Variants in CFAP58 observed in about 807,000 individuals in gnomAD.
CFAP58 encodes the protein cilia and flagella associated protein 58, also known as cilia- and flagella-associated protein 58.
Under a neutral mutation model 119.5 loss-of-function variants are expected in CFAP58, and 88 were observed. The ratio of observed to expected loss-of-function variants is 0.74; its 90% CI spans 0.62 to 0.88. The LOEUF is 0.88. Among genes scored for constraint, CFAP58 ranks in the 40% least tolerant of loss-of-function variants. CFAP58 has a pLI of 0.00. For missense variants in CFAP58, 990 were observed against 1,021.2 expected, an observed-to-expected ratio of 0.97 and a Z score of 0.42; for synonymous variants, 365 against 366.3, an observed-to-expected ratio of 1.00 and a Z score of 0.04.
chr10:104,444,365 G>T (rs2013081945), intron 15 of CFAP58, among the ~76,000 whole-genome samples: 1 of 152,200 alleles, frequency 6.6e-6, no homozygotes, highest in Non-Finnish European at 1.5e-5. Flanking sequence ...TAAGGCAGCT[G>T]GTTCTGCCAC....
chr10:104,387,817 G>A (rs543944323), intron 9 of CFAP58, among the ~76,000 whole-genome samples: 5 of 151,908 alleles, frequency 3.3e-5, no homozygotes, highest in African/African-American at 7.3e-5. Flanking sequence ...TAAACTTCTG[G>A]CAGTCACCTC....
upstream of CFAP58, among the ~76,000 whole-genome samples, chr10:104,350,443 A>C (rs1426620936): frequency 6.6e-6 from 1 of 152,122 alleles, no homozygotes; most frequent in Non-Finnish European, 1.5e-5. Flanking sequence ...GAAATCAAAC[A>C]TTTTGTTTCA....
At chr10:104,339,171 TGA>T in the CFAP58 span, among the ~76,000 whole-genome samples, 1 of 152,298 alleles carries the variant, frequency 6.6e-6, no homozygotes, top group South Asian at 2.1e-4. Context: ...ATTACAGGCG[TGA>T]GCCACCGCGC....
At chr10:104,423,336 T>C (rs966788311) in intron 15 of CFAP58, among the ~76,000 whole-genome samples, 1 of 152,214 alleles carries the variant, frequency 6.6e-6, no homozygotes, top group African/African-American at 2.4e-5. Flanking sequence ...GTTGATAAAT[T>C]AGTCTTTTAA....
At chr10:104,452,160 C>T (rs541131983) in intron 17 of CFAP58, among the ~76,000 whole-genome samples, 22 of 151,840 alleles carry the variant, frequency 1.4e-4, no homozygotes, top group African/African-American at 5.3e-4. Flanking sequence ...AAATTATATG[C>T]AGATACCATT....
intron 15 of CFAP58, among the ~76,000 whole-genome samples, chr10:104,410,534 T>C (rs963398249): frequency 8.5e-5 from 13 of 152,248 alleles, no homozygotes; most frequent in Non-Finnish European, 1.9e-4. Context: ...CTATTAGCAC[T>C]TTGAAGATGT....
intron 1 of CFAP58, among the ~76,000 whole-genome samples, chr10:104,356,449 G>C (rs563154321): frequency 6.6e-6 from 1 of 152,332 alleles, no homozygotes; most frequent in South Asian, 2.1e-4. Flanking sequence ...AGAGAGTGTT[G>C]ATGCCAAGGC....
chr10:104,348,123 A>G, the CFAP58 span, among the ~76,000 whole-genome samples: 2 of 152,026 alleles, frequency 1.3e-5, no homozygotes, highest in African/African-American at 4.8e-5. Flanking sequence ...GGTGGCCTAG[A>G]GCATCATGGC....
intron 3 of CFAP58, among the ~76,000 whole-genome samples, chr10:104,362,841 C>A (rs978518817): frequency 6.6e-6 from 1 of 152,206 alleles, no homozygotes; most frequent in African/African-American, 2.4e-5. Context: ...GCTACCCATA[C>A]CCAAAGGATA....
chr10:104,387,271 G>A (rs2011943389), intron 9 of CFAP58, among the ~76,000 whole-genome samples: 1 of 152,172 alleles, frequency 6.6e-6, no homozygotes. Context: ...CCTAAACTGG[G>A]CTTGCCTGGA....
intron 15 of CFAP58, among the ~76,000 whole-genome samples, chr10:104,416,165 TG>T (rs753108442): frequency 1.3e-5 from 2 of 152,214 alleles, no homozygotes; most frequent in Admixed American, 6.5e-5. Context: ...CCTTCATGTG[TG>T]GAAGTAGTGA....
intron 2 of CFAP58, among the ~76,000 whole-genome samples, chr10:104,360,170 A>G (rs1352505497): frequency 6.6e-6 from 1 of 152,242 alleles, no homozygotes; most frequent in Non-Finnish European, 1.5e-5. Context: ...TCTTATCTGT[A>G]TAAAGGACCC....
intron 15 of CFAP58, among the ~76,000 whole-genome samples, chr10:104,419,574 T>C (rs1418732430): frequency 6.6e-6 from 1 of 152,096 alleles, no homozygotes; most frequent in Non-Finnish European, 1.5e-5. Flanking sequence ...TTTTTTTTTT[T>C]TACTTTTGAA....
chr10:104,447,926 G>A (rs1176657217), intron 16 of CFAP58, 109 bp downstream of exon 16: 6 of 1,356,852 alleles, frequency 4.4e-6, no homozygotes, highest in Non-Finnish European at 5.9e-6. Context: ...TCAATGCCAC[G>A]ATCCTCTGAG....
intron 9 of CFAP58, among the ~76,000 whole-genome samples, chr10:104,382,670 C>G (rs2011837820): frequency 6.6e-6 from 1 of 152,116 alleles, no homozygotes; most frequent in African/African-American, 2.4e-5. Flanking sequence ...CTAAGCTGTT[C>G]TCATGATGGT....
intron 13 of CFAP58, among the ~76,000 whole-genome samples, chr10:104,401,667 T>C (rs377051185): frequency 5.3e-5 from 8 of 152,190 alleles, no homozygotes; most frequent in African/African-American, 1.9e-4. Context: ...CTCAAATCAA[T>C]TGGGTTAGAA....
chr10:104,342,235 C>G, the CFAP58 span, among the ~76,000 whole-genome samples: 1 of 152,152 alleles, frequency 6.6e-6, no homozygotes, highest in Non-Finnish European at 1.5e-5. Flanking sequence ...TGATGATTGC[C>G]TTTTTCTCTA....
intron 11 of CFAP58, among the ~76,000 whole-genome samples, chr10:104,398,689 G>A (rs1468616598): frequency 6.6e-6 from 1 of 152,068 alleles, no homozygotes; most frequent in African/African-American, 2.4e-5. Context: ...CCATAATATC[G>A]ATTCACTGTC....
chr10:104,358,507 G>A lies in CFAP58; in HGVS notation c.176G>A (p.Arg59His), dbSNP rs534892585. 45 of 1,614,102 alleles carry A rather than the reference G, an allele frequency of 2.8e-5. No individual in the cohort carries two copies. Among genetic ancestry groups the A allele is most frequent in the African/African-American group, 5.3e-5 (4 of 75,034 alleles). Residue 59 changes from arginine to histidine, a missense_variant, in exon 2 of 18, where the codon CGT becomes CAT. Coordinates refer to ENST00000369704, the MANE Select transcript of CFAP58 (RefSeq NM_001008723.2). ...AAAAAGTCTTATGACAATGAAAAGC[G>A]TCTGATGGCCAAATGCAGAGAGCTA... is the stretch of plus-strand genomic sequence containing the variant. Reference protein sequence around the residue: ...VMKKSYDNEKRLMAKCRELNA... With the variant: ...VMKKSYDNEKHLMAKCRELNA...
Sources: gnomAD v4.1 joint callset for allele counts (sites outside exome capture counted in the v4.1 genomes callset) on GRCh38, gnomAD v4.1.1 for gene constraint, MANE v1.5 for transcripts, NCBI Gene and HGNC (gene_info 2026-07-23, HGNC 2026-07-21) for gene names.